OTOA: variants seen among roughly 807,000 people sequenced by gnomAD.
OTOA encodes the protein otoancorin.
In OTOA, 70 loss-of-function variants were observed where a neutral mutation model predicts 110.8. That is an observed-to-expected ratio of 0.63 (90% confidence interval 0.52 to 0.77). The LOEUF (loss-of-function observed/expected upper bound fraction) is 0.77, where lower values mean the gene tolerates loss of function less well. Among genes scored for constraint, OTOA ranks in the 30% least tolerant of loss-of-function variants. The pLI, the probability that OTOA is intolerant of heterozygous loss-of-function variation, is 0.00. For synonymous variants in OTOA, 373 were observed against 431.5 expected (o/e 0.86, Z 1.68); for missense variants, 917 against 1,075.8 (o/e 0.85, Z 2.06).
chr16:21,712,957 G>A (rs1167402593), intron 13 of OTOA, among the ~76,000 whole-genome samples: 1 of 152,050 alleles, frequency 6.6e-6, no homozygotes, highest in African/African-American at 2.4e-5. Context: ...GAACTGGGGG[G>A]TTTCTTCTTC....
chr16:21,679,181 T>C lies in OTOA; in HGVS notation c.152-3T>C. The C allele has an allele frequency of 6.2e-7, 1 of 1,613,848 alleles. No individual in the cohort carries two copies. The highest frequency in any genetic ancestry group is 8.5e-7 in the Non-Finnish European group (1 of 1,179,906). On this transcript the variant is annotated splice_region_variant and splice_polypyrimidine_tract_variant and intron_variant, in intron 4 of 28. Coordinates refer to ENST00000646100, the MANE Select transcript of OTOA (RefSeq NM_144672.4). ...ATGTCTTTTCATTTTACTCCCATTG[T>C]AGCACTGCTGGATCTCATACAGTTT...
rs60269668 is a variant in OTOA, at chr16:21,674,896, CTTTTTTTTTTTT to C, written c.-4-3600_-4-3589del. On this transcript the variant is annotated intron_variant, in intron 1 of 28. Transcript: ENST00000646100. ...TTTTTGCTGGATTTTTTTTAAAAAT[CTTTTTTTTTTTT>C]TTTTTTTTTTTTTTAGCAATTTGAT... 4.0e-4 allele frequency among the ~76,000 whole-genome samples: 12 copies of C among 29,778 alleles called. 1 individual carries two copies. In the South Asian group the frequency reaches 0.011, roughly 29 times the overall value. 19.5% of individuals were successfully genotyped at this position (29,778 alleles called of 152,430 possible).
chr16:21,707,487 G>C (rs973948222), intron 12 of OTOA, among the ~76,000 whole-genome samples: 1 of 151,928 alleles, frequency 6.6e-6, no homozygotes, highest in Admixed American at 6.6e-5. Context: ...GACTGGGGCC[G>C]GGGGATTGTT....
chr16:21,672,885 T>C (rs1000673343), intron 1 of OTOA, among the ~76,000 whole-genome samples: 4 of 152,116 alleles, frequency 2.6e-5, no homozygotes, highest in Non-Finnish European at 5.9e-5. Flanking sequence ...TGGTGGCCCA[T>C]GCCTGTATTC....
At chr16:21,728,951 T>G (rs1012098438) in intron 20 of OTOA, among the ~76,000 whole-genome samples, 1 of 152,146 alleles carries the variant, frequency 6.6e-6, no homozygotes, top group Non-Finnish European at 1.5e-5. Context: ...AAAGAGTTGT[T>G]TCTTACACAG....
At position 21,716,896 on chromosome 16, in the gene OTOA, G is replaced by T. The variant is rs752418552; in HGVS notation, c.1489-11G>T. On this transcript the variant is annotated splice_polypyrimidine_tract_variant and intron_variant, in intron 14 of 28. Coordinates refer to ENST00000646100, the MANE Select transcript of OTOA (RefSeq NM_144672.4). Reference sequence around the variant, plus strand: ...TTACAATGTTGTTTTGTTGCTTCTCGCTTCTGGCAGATGGTCCAAGCGGAA... The same window carrying T: ...TTACAATGTTGTTTTGTTGCTTCTCTCTTCTGGCAGATGGTCCAAGCGGAA... The T allele has an allele frequency of 4.3e-6, 7 of 1,613,482 alleles. No homozygotes were observed. The South Asian group carries it at 5.5e-5, about 13-fold the overall frequency.
chr16:21,736,878 T>C (rs1464276384), intron 22 of OTOA, among the ~76,000 whole-genome samples: 1 of 152,312 alleles, frequency 6.6e-6, no homozygotes, highest in Non-Finnish European at 1.5e-5. Context: ...TCATGTCCCA[T>C]ACTCCATACC....
intron 2 of OTOA, 103 bp downstream of exon 2, chr16:21,678,708 C>CTG (rs1966868296): frequency 3.6e-5 from 44 of 1,216,364 alleles, no homozygotes; most frequent in Non-Finnish European, 4.7e-5. Context: ...TGTTTTTGGG[C>CTG]TGTGTGTGTG....
At position 21,697,732 on chromosome 16, in the gene OTOA, A is replaced by T. The variant is rs186198404; in HGVS notation, c.740-43A>T. ...ATCACATACCAGTGTAAAGGCTTTTATTTATGTATGTACTCATTTATTCAT... is the reference window on the plus strand; with the variant it reads ...ATCACATACCAGTGTAAAGGCTTTTTTTTATGTATGTACTCATTTATTCAT... On this transcript the variant is annotated intron_variant, in intron 9 of 28. Coordinates refer to ENST00000646100, the MANE Select transcript of OTOA (RefSeq NM_144672.4). 1.6e-4 allele frequency: 256 copies of T among 1,559,200 alleles called. 2 individuals carry two copies. In the East Asian group the frequency reaches 5.2e-3, roughly 32 times the overall value.
Position 21,685,276 on chromosome 16 carries a change from A to G in OTOA, c.314A>G (p.Lys105Arg), listed in dbSNP as rs1438859237. ...GAGCAGCGTCTGCACCAGCCCCAGA[A>G]GCTGCTGGAGGACCTGAGGAAGACA... The part of the protein sequence containing the change: ...HLEQRLHQPQ[K>R]LLEDLRKTDA... Residue 105 changes from lysine to arginine, a missense_variant, in exon 7 of 29, where the codon AAG (lysine) becomes AGG (arginine). Lys to Arg is a conservative substitution (Grantham distance 26, BLOSUM62 2). This residue lies in a region of OTOA where 840 missense variants were observed against 910.2 expected (regional missense o/e 0.92). Transcript: ENST00000646100. The G allele has an allele frequency of 1.2e-6, 2 of 1,613,182 alleles. No individual in the cohort carries two copies. Among genetic ancestry groups the G allele is most frequent in the Admixed American group, 3.3e-5 (2 of 59,988 alleles).
At position 21,664,194 on chromosome 16, in the gene OTOA, C is replaced by G. The variant is rs1318699282; in HGVS notation, c.-43C>G. On this transcript the variant is annotated 5_prime_UTR_variant, in exon 1 of 29. Transcript: ENST00000646100. Reference sequence around the variant, plus strand: ...GCGGCCCCGCCCTGCGCCACCCGCCCGCCCGTGGGACTCAGTGCGGCCAAG... The same window carrying G: ...GCGGCCCCGCCCTGCGCCACCCGCCGGCCCGTGGGACTCAGTGCGGCCAAG... 4.6e-5 allele frequency: 7 copies of G among 152,156 alleles called. No homozygotes were observed. The highest frequency in any genetic ancestry group is 8.8e-5 in the Non-Finnish European group (6 of 68,050). The allele number at this position is 152,156 out of a possible 1,614,324, so 9.4% of individuals were successfully genotyped here.
chr16:21,679,336 G>A (rs1332516660), intron 5 of OTOA, 125 bp downstream of exon 5: 11 of 1,103,424 alleles, frequency 1.0e-5, no homozygotes. Context: ...AATGCACAAT[G>A]TGTTAAAAGT....
chr16:21,681,605 C>A (rs1567364440), intron 5 of OTOA, 133 bp from the exon 6 acceptor site: 1 of 708,394 alleles, frequency 1.4e-6, no homozygotes, highest in South Asian at 1.6e-5. Flanking sequence ...AAAAGAGAAA[C>A]CTCCCACTTC....
chr16:21,716,816 G>T, intron 14 of OTOA, 91 bp from the exon 15 acceptor site: 1 of 1,512,286 alleles, frequency 6.6e-7, no homozygotes, highest in South Asian at 1.1e-5. Context: ...GGGTCTGATG[G>T]ATTTTATTGC....
chr16:21,721,959 C>G (rs919916606), intron 17 of OTOA, among the ~76,000 whole-genome samples: 5 of 151,724 alleles, frequency 3.3e-5, no homozygotes, highest in African/African-American at 1.2e-4. Flanking sequence ...CACAGTGGCT[C>G]ACGCCAGTAA....
chr16:21,756,593 T>C (rs1332661352), intron 27 of OTOA, among the ~76,000 whole-genome samples: 1 of 152,074 alleles, frequency 6.6e-6, no homozygotes, highest in Admixed American at 6.6e-5. Flanking sequence ...TGGGAAGCTG[T>C]CCTGCATTGC....
chr16:21,710,511 T>C (rs1294912559), intron 13 of OTOA, among the ~76,000 whole-genome samples: 1 of 152,124 alleles, frequency 6.6e-6, no homozygotes, highest in African/African-American at 2.4e-5. Flanking sequence ...ACATATGAAT[T>C]CTTGGGAGAC....
At chr16:21,696,016 T>G (rs1245249875) in intron 9 of OTOA, among the ~76,000 whole-genome samples, 1 of 150,346 alleles carries the variant, frequency 6.7e-6, no homozygotes, top group Non-Finnish European at 1.5e-5. Context: ...TGCCTCAGCT[T>G]CCTGAGTAGC....
intron 18 of OTOA, among the ~76,000 whole-genome samples, chr16:21,723,857 A>ATGGG (rs1468729128): frequency 6.6e-6 from 1 of 152,152 alleles, no homozygotes; most frequent in Non-Finnish European, 1.5e-5. Flanking sequence ...AAAATAGAAA[A>ATGGG]ATGTTCTCTT....
Sources: gnomAD v4.1 joint callset for allele counts (sites outside exome capture counted in the v4.1 genomes callset) on GRCh38, gnomAD v4.1.1 for gene constraint, gnomAD v4.1.1 regional missense constraint, MANE v1.5 for transcripts, NCBI Gene and HGNC (gene_info 2026-07-23, HGNC 2026-07-21) for gene names.